The following ST6GALNAC3 variants were observed in gnomAD, a reference collection of about 807,000 sequenced individuals.
The protein encoded by ST6GALNAC3 is alpha-N-acetylgalactosaminide alpha-2,6-sialyltransferase 3.
In ST6GALNAC3, 25 loss-of-function variants were observed where a neutral mutation model predicts 32.7. The ratio of observed to expected loss-of-function variants is 0.76; its 90% CI spans 0.56 to 1.07. The LOEUF (loss-of-function observed/expected upper bound fraction) is 1.07, where lower values mean the gene tolerates loss of function less well. Ranked by LOEUF, ST6GALNAC3 falls within the 50% of genes least tolerant of loss-of-function variation. The pLI, the probability that ST6GALNAC3 is intolerant of heterozygous loss-of-function variation, is 0.00. For synonymous variants in ST6GALNAC3, 129 were observed against 133.1 expected (o/e 0.97, Z 0.21); for missense variants, 355 against 382.4 (o/e 0.93, Z 0.60).
At chr1:76,495,642 A>G (rs1187354676) in intron 3 of ST6GALNAC3, among the ~76,000 whole-genome samples, 1 of 152,096 alleles carries the variant, frequency 6.6e-6, no homozygotes, top group African/African-American at 2.4e-5. Flanking sequence ...CTTCCTAAAG[A>G]TAAACTTTTA....
chr1:76,487,830 G>A (rs1459296996), intron 3 of ST6GALNAC3, among the ~76,000 whole-genome samples: 1 of 152,144 alleles, frequency 6.6e-6, no homozygotes, highest in Non-Finnish European at 1.5e-5. Flanking sequence ...CAGCTTTTCT[G>A]CTCTGTTTTT....
At chr1:76,368,425 C>A (rs1168003716) in intron 2 of ST6GALNAC3, among the ~76,000 whole-genome samples, 1 of 151,398 alleles carries the variant, frequency 6.6e-6, no homozygotes, top group African/African-American at 2.5e-5. Flanking sequence ...AATTCTTCAG[C>A]TATTAGCAGA....
At chr1:76,097,530 A>T (rs756627653) in intron 1 of ST6GALNAC3, among the ~76,000 whole-genome samples, 3 of 152,164 alleles carry the variant, frequency 2.0e-5, no homozygotes, top group Non-Finnish European at 4.4e-5. Context: ...CCCCAGCCAT[A>T]CTGAACTGTA....
chr1:76,223,522 A>G (rs1262444816), intron 1 of ST6GALNAC3, among the ~76,000 whole-genome samples: 2 of 152,166 alleles, frequency 1.3e-5, no homozygotes, highest in African/African-American at 2.4e-5. Flanking sequence ...CAGTTTACCT[A>G]TATACCAAAC....
At chr1:76,130,255 A>G (rs531509002) in intron 1 of ST6GALNAC3, among the ~76,000 whole-genome samples, 7 of 152,226 alleles carry the variant, frequency 4.6e-5, no homozygotes, top group Non-Finnish European at 8.8e-5. Flanking sequence ...CGAAATGGCT[A>G]GACCACCACC....
At chr1:76,541,281 T>G (rs139635312) in intron 3 of ST6GALNAC3, among the ~76,000 whole-genome samples, 392 of 151,904 alleles carry the variant, frequency 2.6e-3, no homozygotes, top group Middle Eastern at 0.01. Flanking sequence ...TCCGGGGGAG[T>G]ATGGAACGTG....
At chr1:76,602,264 G>A (rs1035748952) in intron 3 of ST6GALNAC3, among the ~76,000 whole-genome samples, 13 of 152,092 alleles carry the variant, frequency 8.5e-5, no homozygotes, top group African/African-American at 3.1e-4. Flanking sequence ...TGGGGAGGCA[G>A]AACTGGTGAT....
At chr1:76,393,276 G>C (rs888605701) in intron 2 of ST6GALNAC3, among the ~76,000 whole-genome samples, 3 of 152,142 alleles carry the variant, frequency 2.0e-5, no homozygotes, top group Admixed American at 6.6e-5. Flanking sequence ...TTAAGGCCGT[G>C]GCTGTCTTTT....
intron 1 of ST6GALNAC3, among the ~76,000 whole-genome samples, chr1:76,137,417 G>A (rs1453679004): frequency 1.3e-5 from 2 of 152,174 alleles, no homozygotes. Context: ...CAGTCAGTGT[G>A]TTATAGAAAG....
chr1:76,464,398 A>G (rs1304990393), intron 3 of ST6GALNAC3, among the ~76,000 whole-genome samples: 1 of 152,200 alleles, frequency 6.6e-6, no homozygotes, highest in South Asian at 2.1e-4. Flanking sequence ...GATGTTGATC[A>G]TGACCCATCA....
intron 3 of ST6GALNAC3, among the ~76,000 whole-genome samples, chr1:76,589,629 G>A (rs1647017037): frequency 6.6e-6 from 1 of 151,820 alleles, no homozygotes; most frequent in Admixed American, 6.6e-5. Context: ...TCAGGTGGGG[G>A]AACTGACTCC....
chr1:76,590,185 A>C (rs780390417), intron 3 of ST6GALNAC3, among the ~76,000 whole-genome samples: 27 of 152,254 alleles, frequency 1.8e-4, no homozygotes, highest in Non-Finnish European at 3.2e-4. Flanking sequence ...CTTTGTAATC[A>C]AGACCCATAC....
At chr1:76,410,872 G>A (rs1654186518) in intron 2 of ST6GALNAC3, among the ~76,000 whole-genome samples, 2 of 152,082 alleles carry the variant, frequency 1.3e-5, no homozygotes, top group African/African-American at 2.4e-5. Flanking sequence ...GAAAAAGATA[G>A]GCATTGTTCT....
rs764488180 is a variant in ST6GALNAC3 at position 76,412,129 on chromosome 1, C to T, written c.335C>T (p.Thr112Ile). The T allele has an allele frequency of 1.2e-6, 2 of 1,613,670 alleles. No homozygotes were observed. The highest frequency in any genetic ancestry group is 8.5e-7 in the Non-Finnish European group (1 of 1,179,794). ...ATTTGGAGAATGAACAATGCCCCCA[C>T]CAAAGGTTATGAAGAAGATGTCGGC... The part of the protein sequence containing the change: ...SCIWRMNNAP[T>I]KGYEEDVGRM... Residue 112 changes from threonine to isoleucine, a missense_variant, in exon 3 of 5, where the codon ACC (threonine) becomes ATC (isoleucine). By Grantham distance (89) the Thr-to-Ile change is moderately conservative. Coordinates refer to ENST00000328299, the MANE Select transcript of ST6GALNAC3 (RefSeq NM_152996.4).
intron 3 of ST6GALNAC3, among the ~76,000 whole-genome samples, chr1:76,484,251 C>A (rs1324358040): frequency 1.3e-5 from 2 of 152,284 alleles, no homozygotes; most frequent in Middle Eastern, 3.4e-3. Flanking sequence ...TTTTCCAATT[C>A]TGTGAAGAAA....
chr1:76,318,228 G>A (rs73002492), intron 2 of ST6GALNAC3, among the ~76,000 whole-genome samples: 5,006 of 151,912 alleles, frequency 0.033, 84 homozygotes, highest in African/African-American at 0.043. Context: ...TATTATAAAG[G>A]GGTTAAATAG....
chr1:76,425,899 A>T (rs761492181), intron 3 of ST6GALNAC3, among the ~76,000 whole-genome samples: 2 of 151,932 alleles, frequency 1.3e-5, no homozygotes, highest in Middle Eastern at 3.2e-3. Flanking sequence ...AGAAATCAAG[A>T]CCATGTGCTT....
intron 1 of ST6GALNAC3, among the ~76,000 whole-genome samples, chr1:76,096,217 T>TTGGAG (rs1221016265): frequency 2.0e-5 from 3 of 152,226 alleles, no homozygotes; most frequent in Admixed American, 6.5e-5. Context: ...GTTAATTTCT[T>TTGGAG]TGGAGTGAAT....
At chr1:76,488,915 A>C (rs944724989) in intron 3 of ST6GALNAC3, among the ~76,000 whole-genome samples, 1 of 152,106 alleles carries the variant, frequency 6.6e-6, no homozygotes, top group African/African-American at 2.4e-5. Context: ...GGCAAGCTCC[A>C]CTCATAGAAA....
Sources: gnomAD v4.1 joint callset for allele counts (sites outside exome capture counted in the v4.1 genomes callset) on GRCh38, gnomAD v4.1.1 for gene constraint, MANE v1.5 for transcripts, NCBI Gene and HGNC (gene_info 2026-07-23, HGNC 2026-07-21) for gene names.